KLF12: variants seen among roughly 807,000 people sequenced by gnomAD.
KLF12 encodes KLF transcription factor 12, also known as Krueppel-like factor 12.
In KLF12, 9 loss-of-function variants were observed where a neutral mutation model predicts 37.8. That is an observed-to-expected ratio of 0.24 (90% confidence interval 0.14 to 0.42). The LOEUF is 0.42. Among genes scored for constraint, KLF12 ranks in the 10% least tolerant of loss-of-function variants. The pLI is 1.00. For missense variants in KLF12, 411 were observed against 516.0 expected (o/e 0.80, Z 1.97); for synonymous variants, 208 against 202.1 (o/e 1.03, Z -0.25).
intron 2 of KLF12, among the ~76,000 whole-genome samples, chr13:73,957,250 T>A (rs561652642): frequency 2.0e-5 from 3 of 152,270 alleles, no homozygotes; most frequent in African/African-American, 4.8e-5. Context: ...TCAGAATATA[T>A]CTGCTGGGAA....
chr13:73,978,121 C>T (rs891373111), intron 2 of KLF12, among the ~76,000 whole-genome samples: 1 of 152,028 alleles, frequency 6.6e-6, no homozygotes, highest in African/African-American at 2.4e-5. Flanking sequence ...AACTGATAAG[C>T]TGAACTTCAT....
chr13:73,714,297 A>G (rs572264923), intron 7 of KLF12, among the ~76,000 whole-genome samples: 2 of 152,302 alleles, frequency 1.3e-5, no homozygotes, highest in East Asian at 1.9e-4. Context: ...GGAAAGGGAA[A>G]AGAACAGGGA....
intron 1 of KLF12, among the ~76,000 whole-genome samples, chr13:74,111,540 C>T (rs192267053): frequency 6.6e-6 from 1 of 152,198 alleles, no homozygotes; most frequent in African/African-American, 2.4e-5. Context: ...AAGCTACAAG[C>T]ATTTGGGGAT....
intron 6 of KLF12, among the ~76,000 whole-genome samples, chr13:73,754,093 C>G (rs1358630748): frequency 2.0e-5 from 3 of 152,120 alleles, no homozygotes; most frequent in Non-Finnish European, 4.4e-5. Flanking sequence ...TTTAATGCTC[C>G]TGGAGGTACC....
the KLF12 span, among the ~76,000 whole-genome samples, chr13:74,299,717 A>G: frequency 3.3e-5 from 5 of 152,160 alleles, no homozygotes; most frequent in African/African-American, 1.2e-4. Flanking sequence ...CAGGGAGTGA[A>G]TTTAAAGCAG....
intron 3 of KLF12, among the ~76,000 whole-genome samples, chr13:73,860,193 T>C (rs1885845142): frequency 6.6e-6 from 1 of 152,186 alleles, no homozygotes; most frequent in Non-Finnish European, 1.5e-5. Flanking sequence ...GTGTCTGTTA[T>C]CTCCTCCAGC....
intron 1 of KLF12, among the ~76,000 whole-genome samples, chr13:74,110,450 T>C (rs1876908627): frequency 6.6e-6 from 1 of 152,238 alleles, no homozygotes; most frequent in Non-Finnish European, 1.5e-5. Flanking sequence ...TCTCTTCCTC[T>C]AGAATTGAGA....
intron 1 of KLF12, among the ~76,000 whole-genome samples, chr13:74,051,228 T>A (rs1033776075): frequency 2.0e-5 from 3 of 152,154 alleles, no homozygotes; most frequent in Admixed American, 2.0e-4. Flanking sequence ...AACTAGATTA[T>A]CTGCACTCCC....
chr13:74,123,753 T>C (rs1374668076), intron 1 of KLF12, among the ~76,000 whole-genome samples: 1 of 152,240 alleles, frequency 6.6e-6, no homozygotes. Flanking sequence ...TTTTATGTAA[T>C]GTGGACTTGC....
At chr13:74,225,431 C>A in the KLF12 span, among the ~76,000 whole-genome samples, 2 of 152,126 alleles carry the variant, frequency 1.3e-5, no homozygotes, top group African/African-American at 2.4e-5. Context: ...GCAGATAAAT[C>A]TCTAAATCTC....
At chr13:73,697,569 C>T (rs1326555400) in intron 7 of KLF12, among the ~76,000 whole-genome samples, 4 of 152,072 alleles carry the variant, frequency 2.6e-5, no homozygotes, top group South Asian at 2.1e-4. Context: ...CATGCTTTTA[C>T]GTGTTACATG....
chr13:73,975,768 C>T (rs9600205), intron 2 of KLF12, among the ~76,000 whole-genome samples: 2,898 of 152,270 alleles, frequency 0.019, 49 homozygotes, highest in East Asian at 0.088. Flanking sequence ...CTCCTCCTGG[C>T]CTATGTTCTT....
chr13:74,247,344 T>C, the KLF12 span, among the ~76,000 whole-genome samples: 2 of 152,192 alleles, frequency 1.3e-5, no homozygotes, highest in Non-Finnish European at 2.9e-5. Flanking sequence ...TTTGCTGTAA[T>C]AATAACTCTT....
chr13:73,992,899 C>G (rs938894481), intron 2 of KLF12, among the ~76,000 whole-genome samples: 1 of 152,164 alleles, frequency 6.6e-6, no homozygotes, highest in Non-Finnish European at 1.5e-5. Flanking sequence ...TCAAACGCAT[C>G]TACAATGGAT....
intron 1 of KLF12, among the ~76,000 whole-genome samples, chr13:74,099,057 A>ATCACT (rs1876149253): frequency 6.6e-6 from 1 of 152,180 alleles, no homozygotes; most frequent in Non-Finnish European, 1.5e-5. Flanking sequence ...GGTTAGAAAA[A>ATCACT]TCACTTTGGA....
chr13:73,864,854 G>A (rs997402542), intron 3 of KLF12, among the ~76,000 whole-genome samples: 3 of 152,056 alleles, frequency 2.0e-5, no homozygotes, highest in African/African-American at 7.2e-5. Context: ...GAATTTTGAA[G>A]AGGACTTAAT....
the KLF12 span, among the ~76,000 whole-genome samples, chr13:74,271,183 TCCCGAAACCATCCCTCC>T: frequency 6.6e-6 from 1 of 152,156 alleles, no homozygotes; most frequent in African/African-American, 2.4e-5. Flanking sequence ...AACAGTTTCA[TCCCGAAACCATCCCTCC>T]CACCCCATCT....
the KLF12 span, among the ~76,000 whole-genome samples, chr13:74,265,704 T>A: frequency 3.9e-5 from 6 of 152,174 alleles, no homozygotes; most frequent in South Asian, 2.1e-4. Context: ...CATCCTCTTC[T>A]TTTTCCCTTC....
chr13:74,185,404 C>G, the KLF12 span, among the ~76,000 whole-genome samples: 2 of 152,158 alleles, frequency 1.3e-5, no homozygotes, highest in African/African-American at 4.8e-5. Flanking sequence ...TCATCAACAA[C>G]TATTTCAGTC....
Sources: gnomAD v4.1 joint callset for allele counts (sites outside exome capture counted in the v4.1 genomes callset) on GRCh38, gnomAD v4.1.1 for gene constraint, MANE v1.5 for transcripts, NCBI Gene and HGNC (gene_info 2026-07-23, HGNC 2026-07-21) for gene names.